Variants in SPRY3 observed in about 807,000 individuals in gnomAD.
SPRY3 encodes protein sprouty homolog 3.
A neutral mutation model predicts 20.2 loss-of-function variants in SPRY3; 15 were observed. That is an observed-to-expected ratio of 0.74 (90% CI 0.50 to 1.14). SPRY3 has a LOEUF of 1.14. Among genes scored for constraint, SPRY3 ranks in the 50% most tolerant of loss-of-function variants. SPRY3 has a pLI of 0.00. For synonymous variants in SPRY3, 143 were observed against 136.5 expected, an observed-to-expected ratio of 1.05 and a Z score of -0.33; for missense variants, 364 against 363.9, an observed-to-expected ratio of 1.00 and a Z score of 0.00.
At chrX:155,712,950 G>A (rs2090997188) in intron 2 of SPRY3, among the ~76,000 whole-genome samples, 1 of 151,866 alleles carries the variant, frequency 6.6e-6, no homozygotes. Context: ...CATACATGCA[G>A]AAAGAAAACT....
chrX:155,649,974 T>TAAACAAAC (rs2067971258), intron 1 of SPRY3, among the ~76,000 whole-genome samples: 2 of 110,316 alleles, frequency 1.8e-5, no homozygotes, highest in South Asian at 7.6e-4. Context: ...ATACCAATAA[T>TAAACAAAC]AGAGAGCCAA....
At chrX:155,755,800 T>C (rs2091281544) in intron 2 of SPRY3, among the ~76,000 whole-genome samples, 1 of 152,018 alleles carries the variant, frequency 6.6e-6, no homozygotes, top group Non-Finnish European at 1.5e-5. Flanking sequence ...ATTCCCTTTT[T>C]AAAAGTTGGG....
intron 2 of SPRY3, among the ~76,000 whole-genome samples, chrX:155,755,245 T>A (rs1347310517): frequency 6.7e-6 from 1 of 149,168 alleles, no homozygotes; most frequent in Non-Finnish European, 1.5e-5. Flanking sequence ...CCCAATGTCT[T>A]TAAATTGCTT....
chrX:155,713,658 T>C (rs306941), intron 2 of SPRY3, among the ~76,000 whole-genome samples: 38,016 of 151,972 alleles, frequency 0.25, 4,977 homozygotes, highest in African/African-American at 0.4. Flanking sequence ...AGTTTGATTG[T>C]TAAATGCCTT....
chrX:155,643,345 G>A (rs781997441), intron 1 of SPRY3, among the ~76,000 whole-genome samples: 1 of 111,261 alleles, frequency 9.0e-6, no homozygotes, highest in South Asian at 3.7e-4. Flanking sequence ...TTTTTAGTCT[G>A]TGTGTGTCTG....
intron 2 of SPRY3, among the ~76,000 whole-genome samples, chrX:155,757,651 T>G (rs1318508152): frequency 2.0e-5 from 3 of 152,152 alleles, no homozygotes; most frequent in African/African-American, 7.2e-5. Context: ...AAGGATCATT[T>G]GGGACTTTTT....
intron 1 of SPRY3, among the ~76,000 whole-genome samples, chrX:155,619,944 C>T (rs2067865922): frequency 9.0e-6 from 1 of 111,320 alleles, no homozygotes; most frequent in Non-Finnish European, 1.9e-5. Flanking sequence ...AGATGTTCAA[C>T]ATCATTTACT....
chrX:155,704,146 C>T (rs1240955534), intron 2 of SPRY3, among the ~76,000 whole-genome samples: 2 of 151,746 alleles, frequency 1.3e-5, no homozygotes, highest in Non-Finnish European at 2.9e-5. Context: ...AGAATCAACA[C>T]ATTCCCAAAG....
intron 2 of SPRY3, among the ~76,000 whole-genome samples, chrX:155,702,349 C>T (rs2090919316): frequency 9.7e-5 from 1 of 10,264 alleles, no homozygotes. Flanking sequence ...AAGTTGGATT[C>T]CTAGGTATTT....
intron 2 of SPRY3, among the ~76,000 whole-genome samples, chrX:155,672,290 C>A (rs868928405): frequency 9.1e-6 from 1 of 109,692 alleles, no homozygotes; most frequent in Non-Finnish European, 1.9e-5. Context: ...CTACAAAATG[C>A]GAGAAAATTT....
At chrX:155,625,119 T>A (rs898831690) in intron 1 of SPRY3, among the ~76,000 whole-genome samples, 1 of 111,873 alleles carries the variant, frequency 8.9e-6, no homozygotes, top group Non-Finnish European at 1.9e-5. Context: ...ATCAATTTTT[T>A]TAATTTTAAT....
At chrX:155,714,874 G>A (rs942218812) in intron 2 of SPRY3, among the ~76,000 whole-genome samples, 229 of 152,106 alleles carry the variant, frequency 1.5e-3, no homozygotes, top group Non-Finnish European at 2.7e-3. Context: ...CCAGTCCACG[G>A]GGGATTCTGC....
chrX:155,734,898 T>C (rs2091157636), intron 2 of SPRY3, among the ~76,000 whole-genome samples: 1 of 151,982 alleles, frequency 6.6e-6, no homozygotes, highest in African/African-American at 2.4e-5. Context: ...CTACTTAATT[T>C]GGACTTAACT....
At chrX:155,693,903 A>G (rs1472933802) in intron 2 of SPRY3, among the ~76,000 whole-genome samples, 3 of 112,133 alleles carry the variant, frequency 2.7e-5, no homozygotes, top group African/African-American at 9.7e-5. Flanking sequence ...CGTGGGCTCA[A>G]GTGATCCTCT....
chrX:155,633,274 C>A (rs985311317), intron 1 of SPRY3, among the ~76,000 whole-genome samples: 2 of 106,154 alleles, frequency 1.9e-5, no homozygotes, highest in Admixed American at 2.1e-4. Flanking sequence ...GGCACGGTGG[C>A]TCACGCCTGT....
intron 2 of SPRY3, among the ~76,000 whole-genome samples, chrX:155,727,577 CACTT>C (rs1472784019): frequency 6.6e-6 from 1 of 151,958 alleles, no homozygotes; most frequent in Non-Finnish European, 1.5e-5. Flanking sequence ...TCCTTTCTTC[CACTT>C]GATCAAATCA....
At chrX:155,779,680 G>C (rs1358019459), downstream of SPRY3, 2 of 166,912 alleles carry the variant, frequency 1.2e-5, no homozygotes, top group Non-Finnish European at 2.9e-5. Flanking sequence ...ATAAATGCTG[G>C]GGAAAAAATG....
intron 2 of SPRY3, among the ~76,000 whole-genome samples, chrX:155,731,811 G>GA (rs1203082546): frequency 3.3e-5 from 5 of 151,880 alleles, no homozygotes; most frequent in East Asian, 1.9e-4. Context: ...AACTCTATAG[G>GA]AAAAAATCTA....
rs2068096796 is a variant in SPRY3 at position 155,689,255 on chromosome X, T to C, written c.-282+32230T>C. On this transcript the variant is annotated intron_variant, in intron 2 of 3. Coordinates refer to ENST00000675360, the Ensembl canonical transcript of SPRY3. ...CATAGTTTGGGATTTTACATTTAAG[T>C]ATTTAATCCATCCTGAGTTAATTTT... Among the ~76,000 whole-genome samples the C allele has an allele frequency of 2.3e-5, 2 of 87,903 alleles. 1 individual carries two copies. Among genetic ancestry groups the C allele is most frequent in the Non-Finnish European group, 4.2e-5 (2 of 47,078 alleles). 76.3% of individuals were successfully genotyped at this position (87,903 alleles called of 115,157 possible).
Sources: allele counts gnomAD v4.1 joint callset (sites outside exome capture counted in the v4.1 genomes callset), GRCh38; gene constraint gnomAD v4.1.1; transcripts MANE v1.5; gene names NCBI Gene and HGNC (gene_info 2026-07-23, HGNC 2026-07-21).